FSTL4: variants seen among roughly 807,000 people sequenced by gnomAD.
The protein encoded by FSTL4 is follistatin like 4, also known as follistatin-related protein 4.
Under a neutral mutation model 78.2 loss-of-function variants are expected in FSTL4, and 28 were observed. That is an observed-to-expected ratio of 0.36 (90% CI 0.27 to 0.49). The LOEUF (loss-of-function observed/expected upper bound fraction) is 0.49. Among genes scored for constraint, FSTL4 ranks in the 20% least tolerant of loss-of-function variants. The pLI is 0.98. For missense variants in FSTL4, 922 were observed against 1,084.9 expected, an observed-to-expected ratio of 0.85 and a Z score of 2.11; for synonymous variants, 422 against 440.5, an observed-to-expected ratio of 0.96 and a Z score of 0.53.
intron 3 of FSTL4, among the ~76,000 whole-genome samples, chr5:133,546,724 G>C (rs905974581): frequency 6.6e-6 from 1 of 152,060 alleles, no homozygotes; most frequent in African/African-American, 2.4e-5. Context: ...TTCAGGAAAT[G>C]AGCCCAGGGC....
chr5:133,809,144 T>A, the FSTL4 span, among the ~76,000 whole-genome samples: 1 of 151,778 alleles, frequency 6.6e-6, no homozygotes, highest in African/African-American at 2.4e-5. Flanking sequence ...GATGGGTGGA[T>A]CACTTGAGGT....
chr5:133,400,652 G>T, intron 4 of FSTL4, 86 bp downstream of exon 4: 1 of 1,213,942 alleles, frequency 8.2e-7, no homozygotes, highest in African/African-American at 1.5e-5. Context: ...GTAACTTGTA[G>T]ACTCAGCACC....
the FSTL4 span, among the ~76,000 whole-genome samples, chr5:133,620,663 G>C: frequency 6.6e-6 from 1 of 152,176 alleles, no homozygotes; most frequent in Non-Finnish European, 1.5e-5. Context: ...AGCAGTCAGT[G>C]ATGTTCAACC....
intron 2 of FSTL4, among the ~76,000 whole-genome samples, chr5:133,593,534 G>A (rs1015784255): frequency 2.0e-5 from 3 of 151,988 alleles, no homozygotes; most frequent in Admixed American, 6.5e-5. Flanking sequence ...CCCCCAACCC[G>A]CACTCTTAAG....
intron 4 of FSTL4, among the ~76,000 whole-genome samples, chr5:133,360,821 T>C (rs1288642046): frequency 6.6e-6 from 1 of 152,242 alleles, no homozygotes; most frequent in Non-Finnish European, 1.5e-5. Flanking sequence ...TCTTCGTCTC[T>C]TCTGAGATGG....
At chr5:133,333,641 G>A (rs1277857463) in intron 4 of FSTL4, among the ~76,000 whole-genome samples, 1 of 152,204 alleles carries the variant, frequency 6.6e-6, no homozygotes, top group Non-Finnish European at 1.5e-5. Flanking sequence ...CACAAAGATG[G>A]GATTTCCAGG....
chr5:133,385,492 G>C (rs1290691419), intron 4 of FSTL4, among the ~76,000 whole-genome samples: 5 of 152,096 alleles, frequency 3.3e-5, no homozygotes. Flanking sequence ...CTGCCATCTC[G>C]GGCTGCCCCA....
chr5:133,447,730 G>A (rs1002203631), intron 3 of FSTL4, among the ~76,000 whole-genome samples: 21 of 152,172 alleles, frequency 1.4e-4, no homozygotes, highest in African/African-American at 4.8e-4. Context: ...AGTAGAGACA[G>A]GGTTTCGCCA....
intron 3 of FSTL4, among the ~76,000 whole-genome samples, chr5:133,461,653 TA>T (rs940349475): frequency 5.3e-5 from 8 of 152,112 alleles, no homozygotes; most frequent in African/African-American, 1.9e-4. Context: ...GGGCGCCCAA[TA>T]AGATATTTTT....
At chr5:133,341,408 CG>C (rs1754579104) in intron 4 of FSTL4, among the ~76,000 whole-genome samples, 1 of 152,100 alleles carries the variant, frequency 6.6e-6, no homozygotes. Context: ...TTGGGCTCAG[CG>C]GCTGGCTCTC....
chr5:133,834,422 T>C, the FSTL4 span, among the ~76,000 whole-genome samples: 4 of 151,720 alleles, frequency 2.6e-5, no homozygotes, highest in African/African-American at 4.8e-5. Flanking sequence ...TAAGGAATGA[T>C]ATAAATTAAA....
chr5:133,769,180 G>C, the FSTL4 span, among the ~76,000 whole-genome samples: 3 of 152,226 alleles, frequency 2.0e-5, no homozygotes, highest in Non-Finnish European at 4.4e-5. Flanking sequence ...ATCATTTCTG[G>C]ATTCCAGAGA....
At chr5:133,500,390 A>G (rs1261507515) in intron 3 of FSTL4, among the ~76,000 whole-genome samples, 1 of 152,184 alleles carries the variant, frequency 6.6e-6, no homozygotes, top group Non-Finnish European at 1.5e-5. Flanking sequence ...GCCTTTGAAC[A>G]AAAGGTAATG....
chr5:133,667,801 T>C, the FSTL4 span, among the ~76,000 whole-genome samples: 2 of 152,272 alleles, frequency 1.3e-5, no homozygotes, highest in Non-Finnish European at 2.9e-5. Context: ...TGTTTATCTG[T>C]TATTTTCTTC....
At chr5:133,823,532 T>C in the FSTL4 span, among the ~76,000 whole-genome samples, 2 of 152,284 alleles carry the variant, frequency 1.3e-5, no homozygotes, top group East Asian at 3.9e-4. Context: ...ATCCTCAGGA[T>C]GTCAGAGACT....
At chr5:133,243,915 T>C (rs539440873) in intron 7 of FSTL4, 1 of 152,390 alleles carries the variant, frequency 6.6e-6, no homozygotes, top group East Asian at 1.9e-4. Context: ...GTGACATTGT[T>C]GAGGCAGGAT....
chr5:133,301,981 G>A (rs955723938), intron 6 of FSTL4, among the ~76,000 whole-genome samples: 1 of 152,090 alleles, frequency 6.6e-6, no homozygotes, highest in African/African-American at 2.4e-5. Flanking sequence ...GGAAGATTTG[G>A]ATTCACCGGG....
chr5:133,290,981 C>T lies in FSTL4; in HGVS notation c.727+21673G>A, dbSNP rs1753250086. ...CCCACTCTTGTGCCGCATCTCCCAG[C>T]CCCTCAGTCTCCCTAGAGCCTCCGT... On this transcript the variant is annotated intron_variant, in intron 6 of 15. Coordinates refer to ENST00000265342, the MANE Select transcript of FSTL4 (RefSeq NM_015082.2). 2.0e-5 allele frequency among the ~76,000 whole-genome samples: 3 copies of T among 152,378 alleles called. No homozygotes were observed. The South Asian group carries it at 6.2e-4, about 32-fold the overall frequency.
the FSTL4 span, among the ~76,000 whole-genome samples, chr5:133,780,116 A>T: frequency 6.6e-6 from 1 of 152,142 alleles, no homozygotes; most frequent in Non-Finnish European, 1.5e-5. Flanking sequence ...GGCTGCCCCG[A>T]AAGGGATGAA....
Sources: gnomAD v4.1 joint callset for allele counts (sites outside exome capture counted in the v4.1 genomes callset) on GRCh38, gnomAD v4.1.1 for gene constraint, MANE v1.5 for transcripts, NCBI Gene and HGNC (gene_info 2026-07-23, HGNC 2026-07-21) for gene names.